Variants in COL23A1 observed in about 807,000 individuals in gnomAD.
COL23A1 encodes the protein collagen type XXIII alpha 1 chain, also known as collagen alpha-1(XXIII) chain.
A neutral mutation model predicts 99.3 loss-of-function variants in COL23A1; 97 were observed. The observed-to-expected ratio is 0.98, with a 90% CI of 0.83 to 1.16. COL23A1 has a LOEUF of 1.16. Ranked by LOEUF, COL23A1 falls within the 50% of genes most tolerant of loss-of-function variation. The pLI is 0.00. For synonymous variants in COL23A1, 320 were observed against 308.2 expected (o/e 1.04, Z -0.40); for missense variants, 762 against 757.4 (o/e 1.01, Z -0.07).
intron 2 of COL23A1, among the ~76,000 whole-genome samples, chr5:178,540,427 AC>A (rs1267431515): frequency 6.6e-6 from 1 of 152,232 alleles, no homozygotes; most frequent in African/African-American, 2.4e-5. Flanking sequence ...AAGTTCACAC[AC>A]AAAAAATTAA....
rs70994992 is a variant in COL23A1 at position 178,258,236 on chromosome 5, A to AATATATATAT, written c.730-679_730-670dup. Among the ~76,000 whole-genome samples the AATATATATAT allele has an allele frequency of 2.3e-3, 165 of 71,940 alleles. 10 individuals carry two copies. Among genetic ancestry groups the AATATATATAT allele is most frequent in the Middle Eastern group, 0.018 (2 of 112 alleles). 47.2% of individuals were successfully genotyped at this position (71,940 alleles called of 152,430 possible). ...GTGACAGAGTGAGATCCTGTCTTAA[A>AATATATATAT]ATATATATATATATATATATATATA... On this transcript the variant is annotated intron_variant, in intron 12 of 28. Transcript: ENST00000390654.
intron 2 of COL23A1, among the ~76,000 whole-genome samples, chr5:178,472,521 C>A (rs1756809096): frequency 1.3e-5 from 2 of 152,096 alleles, no homozygotes; most frequent in Admixed American, 1.3e-4. Context: ...TCAGATATGG[C>A]TTATACATTA....
chr5:178,326,044 C>T (rs868651434), intron 2 of COL23A1, among the ~76,000 whole-genome samples: 5 of 152,200 alleles, frequency 3.3e-5, no homozygotes, highest in African/African-American at 7.2e-5. Context: ...AGGGAGCACC[C>T]GAGACCCCAG....
chr5:178,565,367 G>C (rs262071), intron 1 of COL23A1, among the ~76,000 whole-genome samples: 86,042 of 152,086 alleles, frequency 0.57, 28,068 homozygotes, highest in African/African-American at 0.88. Flanking sequence ...TGTGAGTACA[G>C]GCACACCACA....
chr5:178,266,454 G>A (rs1176883541), intron 8 of COL23A1, among the ~76,000 whole-genome samples: 1 of 151,970 alleles, frequency 6.6e-6, no homozygotes, highest in African/African-American at 2.4e-5. Flanking sequence ...GGGTATCCAC[G>A]AGGAGGGTTG....
chr5:178,539,669 A>C (rs1429807948), intron 2 of COL23A1, among the ~76,000 whole-genome samples: 2 of 152,160 alleles, frequency 1.3e-5, no homozygotes, highest in Non-Finnish European at 2.9e-5. Flanking sequence ...CTAGGCCTGG[A>C]TATTTTCACC....
At chr5:178,305,568 C>T (rs1164060163) in intron 3 of COL23A1, among the ~76,000 whole-genome samples, 2 of 152,164 alleles carry the variant, frequency 1.3e-5, no homozygotes, top group Non-Finnish European at 2.9e-5. Context: ...ACCTCTTGGA[C>T]AAAACCATTA....
chr5:178,410,794 T>C (rs2127780204), intron 2 of COL23A1, among the ~76,000 whole-genome samples: 1 of 152,284 alleles, frequency 6.6e-6, no homozygotes, highest in East Asian at 1.9e-4. Context: ...CATCAAAACT[T>C]TTGTGTGTTA....
At chr5:178,587,876 T>A (rs569697254) in intron 1 of COL23A1, among the ~76,000 whole-genome samples, 1 of 152,254 alleles carries the variant, frequency 6.6e-6, no homozygotes, top group African/African-American at 2.4e-5. Context: ...GCTGGTACCC[T>A]AAGAGAGAGA....
At chr5:178,549,001 CTTCTTTTTTTTT>C (rs1761863448) in intron 2 of COL23A1, among the ~76,000 whole-genome samples, 1 of 151,888 alleles carries the variant, frequency 6.6e-6, no homozygotes, top group African/African-American at 2.4e-5. Context: ...CATACAAATA[CTTCTTTTTTTTT>C]GAGATGGAGT....
intron 2 of COL23A1, among the ~76,000 whole-genome samples, chr5:178,377,683 AGGTGGTGT>A (rs1446879483): frequency 6.6e-6 from 1 of 151,984 alleles, no homozygotes; most frequent in Non-Finnish European, 1.5e-5. Context: ...AGTGGCGTGG[AGGTGGTGT>A]GGACAAGCGC....
At position 178,262,093 on chromosome 5, in the gene COL23A1, GGC is replaced by G. The variant is rs35590898; in HGVS notation, c.675+122_675+123del. ...ACACATGCAGACACGTACATGCAGA[GGC>G]GCGCGCACACACATAAACATGTGCG... On this transcript the variant is annotated intron_variant, in intron 10 of 28. Transcript: ENST00000390654. 36,738 of 1,050,824 alleles carry G rather than the reference GGC, an allele frequency of 0.035. 8,099 individuals are homozygous for G. The African/African-American group carries it at 0.5, about 14-fold the overall frequency. 65.1% of individuals were successfully genotyped at this position (1,050,824 alleles called of 1,614,324 possible).
chr5:178,527,585 T>G (rs1194291361), intron 2 of COL23A1, among the ~76,000 whole-genome samples: 1 of 152,210 alleles, frequency 6.6e-6, no homozygotes, highest in Non-Finnish European at 1.5e-5. Context: ...ACTGTCCTCA[T>G]GACTCGGTTA....
rs904805323 is a variant in COL23A1, at chr5:178,309,780, G to A, written c.362-2861C>T. The stretch of plus-strand genomic sequence containing the variant: ...TCAGCATCAGGCGAACGCTGCCCCT[G>A]CACTCAGTCCCCCACTCTGCCACTC... On this transcript the variant is annotated intron_variant, in intron 2 of 28. Transcript: ENST00000390654. This position sits in a 1 kb window ranked among gnomAD's most constrained non-coding sequence, Gnocchi z 4.7. 6.6e-6 allele frequency among the ~76,000 whole-genome samples: 1 copy of A among 151,496 alleles called. No homozygotes were observed. Among genetic ancestry groups the A allele is most frequent in the Non-Finnish European group, 1.5e-5 (1 of 67,928 alleles).
chr5:178,469,725 A>G (rs1756637585), intron 2 of COL23A1, among the ~76,000 whole-genome samples: 1 of 152,136 alleles, frequency 6.6e-6, no homozygotes, highest in South Asian at 2.1e-4. Context: ...AGAGCCATCA[A>G]GAGGACCCTC....
chr5:178,572,268 T>A (rs954410314), intron 1 of COL23A1, among the ~76,000 whole-genome samples: 1 of 151,924 alleles, frequency 6.6e-6, no homozygotes, highest in Non-Finnish European at 1.5e-5. Context: ...AGAAGACAAC[T>A]AGTGAACTGT....
At chr5:178,358,248 G>GTGTGTGTATGTATATGTGTGTATGTATA (rs1554145310) in intron 2 of COL23A1, among the ~76,000 whole-genome samples, 1 of 125,616 alleles carries the variant, frequency 8.0e-6, no homozygotes, top group African/African-American at 2.9e-5. Flanking sequence ...GTATGTGTAT[G>GTGTGTGTATGTATATGTGTGTATGTATA]TGTGTGTATG....
intron 25 of COL23A1, among the ~76,000 whole-genome samples, chr5:178,243,162 C>T (rs1378159686): frequency 6.6e-6 from 1 of 150,476 alleles, no homozygotes; most frequent in Non-Finnish European, 1.5e-5. Flanking sequence ...TGCACTCTGG[C>T]CTGGGCGACA....
At chr5:178,397,576 G>T (rs981615215) in intron 2 of COL23A1, among the ~76,000 whole-genome samples, 1 of 152,238 alleles carries the variant, frequency 6.6e-6, no homozygotes, top group African/African-American at 2.4e-5. Context: ...GTCTTGGTTA[G>T]ACAGCGCCTG....
Sources: gnomAD v4.1 joint callset for allele counts (sites outside exome capture counted in the v4.1 genomes callset) on GRCh38, gnomAD v4.1.1 for gene constraint, Gnocchi (gnomAD v3.1) non-coding constraint, MANE v1.5 for transcripts, NCBI Gene and HGNC (gene_info 2026-07-23, HGNC 2026-07-21) for gene names.